Variants in BCAS3 observed in about 807,000 individuals in gnomAD.
BCAS3 encodes the protein BCAS4/BCAS3 fusion.
In BCAS3, 53 loss-of-function variants were observed where a neutral mutation model predicts 116.1. The ratio of observed to expected loss-of-function variants is 0.46; its 90% CI spans 0.37 to 0.57. The LOEUF (loss-of-function observed/expected upper bound fraction) is 0.57. Among genes scored for constraint, BCAS3 ranks in the 20% least tolerant of loss-of-function variants. The pLI is 0.00. For synonymous variants in BCAS3, 391 were observed against 408.2 expected (o/e 0.96, Z 0.51); for missense variants, 917 against 1,165.4 (o/e 0.79, Z 3.10).
At position 61,034,836 on chromosome 17, in the gene BCAS3, CTTCT is replaced by C; in HGVS notation, c.1762+48_1762+51del. ...ATGAATGCTCTATTTGTAATTTTTG[CTTCT>C]TAAGGAAAATTTTTAGCAGTTTCCC... On this transcript the variant is annotated intron_variant, in intron 17 of 23. Coordinates refer to ENST00000407086, the MANE Select transcript of BCAS3 (RefSeq NM_017679.5). The surrounding 1 kb of genome is among the most constrained non-coding windows in gnomAD (Gnocchi z 5.0). 1 of 1,545,960 alleles carries C rather than the reference CTTCT, an allele frequency of 6.5e-7. No individual in the cohort carries two copies. The highest frequency in any genetic ancestry group is 8.7e-7 in the Non-Finnish European group (1 of 1,146,108).
chr17:61,045,823 T>TTCTCTCTCTCTC lies in BCAS3; in HGVS notation c.2029+4947_2029+4958dup, dbSNP rs1182475386. Among the ~76,000 whole-genome samples, 135 of 34,618 alleles carry TTCTCTCTCTCTC rather than the reference T, an allele frequency of 3.9e-3. 8 individuals carry two copies. The highest frequency in any genetic ancestry group is 0.029 in the African/African-American group (112 of 3,848). The allele number at this position is 34,618 out of a possible 152,430, so 22.7% of individuals were successfully genotyped here. On this transcript the variant is annotated intron_variant, in intron 19 of 23. Coordinates refer to ENST00000407086, the MANE Select transcript of BCAS3 (RefSeq NM_017679.5). ...AGAGTGAGTGAGACTTCATCTCTCT[T>TTCTCTCTCTCTC]TCTCTCTCTCTCTCTCTCTCTCTCT...
rs2073941222 is a variant in BCAS3 at position 61,095,939 on chromosome 17, GA to G, written c.2425+11377del. Among the ~76,000 whole-genome samples, 2 of 152,016 alleles carry G rather than the reference GA, an allele frequency of 1.3e-5. No individual in the cohort carries two copies. The highest frequency in any genetic ancestry group is 4.2e-4 in the South Asian group (2 of 4,810). On this transcript the variant is annotated intron_variant, in intron 22 of 23. Coordinates refer to ENST00000407086, the MANE Select transcript of BCAS3 (RefSeq NM_017679.5). The surrounding 1 kb of genome is among the most constrained non-coding windows in gnomAD (Gnocchi z 4.7). ...GATGAGATTGGATTGGGATTTCATTGAATCTGTATATCAAATTTGGAAGTAT... is the reference window on the plus strand; with the variant it reads ...GATGAGATTGGATTGGGATTTCATTGATCTGTATATCAAATTTGGAAGTAT...
intron 6 of BCAS3, chr17:60,748,947 T>C (rs2042221279): frequency 6.6e-6 from 1 of 152,188 alleles, no homozygotes; most frequent in African/African-American, 2.4e-5. Flanking sequence ...TAAAAAAGAC[T>C]AGTCGAGTGC....
rs1249279417 is a variant in BCAS3 at position 60,961,821 on chromosome 17, G to A, written c.1221+14469G>A. Among the ~76,000 whole-genome samples, 3 of 150,956 alleles carry A rather than the reference G, an allele frequency of 2.0e-5. No individual in the cohort carries two copies. The highest frequency in any genetic ancestry group is 6.6e-5 in the Admixed American group (1 of 15,126). On this transcript the variant is annotated intron_variant, in intron 14 of 23. Coordinates refer to ENST00000407086, the MANE Select transcript of BCAS3 (RefSeq NM_017679.5). This position sits in a 1 kb window ranked among gnomAD's most constrained non-coding sequence, Gnocchi z 4.8. ...ATGGATAATGTGCTGACATTGTAAC[G>A]AGGCTTGAGGAAGGCACATCTCACA...
chr17:60,694,985 A>G (rs767217271), intron 4 of BCAS3, among the ~76,000 whole-genome samples: 1 of 152,050 alleles, frequency 6.6e-6, no homozygotes, highest in Admixed American at 6.6e-5. Context: ...GGGTAGAATG[A>G]TAGATTATTT....
In BCAS3 at chr17:61,377,078, C is replaced by T. The variant is rs1001522130; in HGVS notation, c.2593+8584C>T. On this transcript the variant is annotated intron_variant, in intron 23 of 23. Transcript: ENST00000407086. This position sits in a 1 kb window ranked among gnomAD's most constrained non-coding sequence, Gnocchi z 4.6. ...TCTCTGACTTCTACCCCCAGCTTCC[C>T]GCTGGGCCTCCCTAGCTGAGCTGGA... Among the ~76,000 whole-genome samples, 8 of 152,230 alleles carry T rather than the reference C, an allele frequency of 5.3e-5. No individual in the cohort carries two copies. The highest frequency in any genetic ancestry group is 1.2e-4 in the African/African-American group (5 of 41,470).
At chr17:61,280,595 C>T (rs2051154595) in intron 22 of BCAS3, among the ~76,000 whole-genome samples, 1 of 152,108 alleles carries the variant, frequency 6.6e-6, no homozygotes, top group Admixed American at 6.5e-5. Flanking sequence ...GCAGGAGTAA[C>T]AGTACCTACC....
At chr17:60,743,153 G>A (rs1022696552) in intron 5 of BCAS3, among the ~76,000 whole-genome samples, 12 of 151,614 alleles carry the variant, frequency 7.9e-5, no homozygotes, top group African/African-American at 2.9e-4. Context: ...TCATACAATG[G>A]AAATCTATAT....
At chr17:60,969,515 A>G (rs1028089738) in intron 14 of BCAS3, among the ~76,000 whole-genome samples, 13 of 152,182 alleles carry the variant, frequency 8.5e-5, no homozygotes, top group Admixed American at 7.9e-4. Context: ...CAAATGAGTG[A>G]AAAAATAGAA....
At chr17:61,294,404 A>G (rs893948657) in intron 22 of BCAS3, among the ~76,000 whole-genome samples, 1 of 152,200 alleles carries the variant, frequency 6.6e-6, no homozygotes, top group Admixed American at 6.5e-5. Flanking sequence ...TGATTTGATT[A>G]AGTCCTACAA....
chr17:61,119,972 T>C (rs2075699650), intron 22 of BCAS3, among the ~76,000 whole-genome samples: 1 of 152,094 alleles, frequency 6.6e-6, no homozygotes, highest in Non-Finnish European at 1.5e-5. Context: ...TATGAAATTC[T>C]ACAGAGTGAT....
At chr17:61,003,918 C>T (rs2145487885) in intron 15 of BCAS3, 1 of 152,200 alleles carries the variant, frequency 6.6e-6, no homozygotes, top group East Asian at 1.9e-4. Flanking sequence ...TATCATACCT[C>T]AAATAGTCAC....
Position 61,017,402 on chromosome 17 carries a change from A to G in BCAS3, c.1637+1501A>G, listed in dbSNP as rs1010990456. Among the ~76,000 whole-genome samples, 3 of 152,292 alleles carry G rather than the reference A, an allele frequency of 2.0e-5. No homozygotes were observed. The highest frequency in any genetic ancestry group is 2.9e-5 in the Non-Finnish European group (2 of 68,010). On this transcript the variant is annotated intron_variant, in intron 16 of 23. Transcript: ENST00000407086. The surrounding 1 kb of genome is among the most constrained non-coding windows in gnomAD (Gnocchi z 4.7). ...CACTCCAGCATTGTACAATTCTCCA[A>G]AGTACTTACAAATTTTAGCCTGTCT...
chr17:61,127,111 A>G (rs1451861903), intron 22 of BCAS3, among the ~76,000 whole-genome samples: 1 of 152,150 alleles, frequency 6.6e-6, no homozygotes, highest in Non-Finnish European at 1.5e-5. Flanking sequence ...AGCTACACAC[A>G]TGCAGTAGGA....
intron 3 of BCAS3, among the ~76,000 whole-genome samples, chr17:60,684,266 G>A (rs1264427601): frequency 6.6e-6 from 1 of 152,130 alleles, no homozygotes; most frequent in Non-Finnish European, 1.5e-5. Flanking sequence ...GAAGAATCAA[G>A]GTGAATTGTT....
At position 61,020,434 on chromosome 17, in the gene BCAS3, C is replaced by T. The variant is rs1001530301; in HGVS notation, c.1637+4533C>T. Among the ~76,000 whole-genome samples the T allele has an allele frequency of 6.6e-6, 1 of 152,212 alleles. No homozygotes were observed. The highest frequency in any genetic ancestry group is 2.4e-5 in the African/African-American group (1 of 41,448). ...TGTTTTGGCAACAGCTGCTGCTTAA[C>T]TCTGTGACAGTATACATTGATGGAG... On this transcript the variant is annotated intron_variant, in intron 16 of 23. Transcript: ENST00000407086. The surrounding 1 kb of genome is among the most constrained non-coding windows in gnomAD (Gnocchi z 4.5).
At position 61,349,598 on chromosome 17, in the gene BCAS3, C is replaced by G. The variant is rs1408835952; in HGVS notation, c.2426-18729C>G. On this transcript the variant is annotated intron_variant, in intron 22 of 23. Coordinates refer to ENST00000407086, the MANE Select transcript of BCAS3 (RefSeq NM_017679.5). The surrounding 1 kb of genome is among the most constrained non-coding windows in gnomAD (Gnocchi z 4.7). ...CTACTCCATTTTGTGGAATAATGGA[C>G]CTGACTGTAATCCAACATGTTTTTT... 1.3e-5 allele frequency among the ~76,000 whole-genome samples: 2 copies of G among 152,186 alleles called. No homozygotes were observed. The highest frequency in any genetic ancestry group is 2.9e-5 in the Non-Finnish European group (2 of 68,044).
Position 61,026,821 on chromosome 17 carries a change from G to A in BCAS3, c.1638-7845G>A. 2 of 1,540,348 alleles carry A rather than the reference G, an allele frequency of 1.3e-6. No homozygotes were observed. The highest frequency in any genetic ancestry group is 1.8e-6 in the Non-Finnish European group (2 of 1,129,840). On this transcript the variant is annotated intron_variant, in intron 16 of 23. Coordinates refer to ENST00000407086, the MANE Select transcript of BCAS3 (RefSeq NM_017679.5). This position sits in a 1 kb window ranked among gnomAD's most constrained non-coding sequence, Gnocchi z 5.0. ...ACTTGTATTTGCTAATGTTAAATGA[G>A]TTTTTCTCTAATTTTTTGTGCATTT...
chr17:61,320,675 C>CA (rs76246994), intron 22 of BCAS3, among the ~76,000 whole-genome samples: 3,193 of 96,920 alleles, frequency 0.033, 102 homozygotes, highest in African/African-American at 0.1. Context: ...GACTCTGTCT[C>CA]AAAAAAAAAA....
Sources: allele counts gnomAD v4.1 joint callset (sites outside exome capture counted in the v4.1 genomes callset), GRCh38; gene constraint gnomAD v4.1.1; non-coding constraint Gnocchi (gnomAD v3.1); transcripts MANE v1.5; gene names NCBI Gene and HGNC (gene_info 2026-07-23, HGNC 2026-07-21).